The following ZC3H12B variants were observed in gnomAD, a reference collection of about 807,000 sequenced individuals.
The protein encoded by ZC3H12B is zinc finger CCCH-type containing 12B, also known as probable ribonuclease ZC3H12B.
Under a neutral mutation model 43.9 loss-of-function variants are expected in ZC3H12B, and 7 were observed. That is an observed-to-expected ratio of 0.16 (90% CI 0.09 to 0.30). The LOEUF (loss-of-function observed/expected upper bound fraction) is 0.30. Ranked by LOEUF, ZC3H12B falls within the 10% of genes least tolerant of loss-of-function variation. The probability of loss-of-function intolerance (pLI) is 1.00; values close to 1 mark genes in which losing one functional copy is unlikely to be tolerated. For synonymous variants in ZC3H12B, 222 were observed against 241.7 expected, an observed-to-expected ratio of 0.92 and a Z score of 0.76; for missense variants, 475 against 670.2, an observed-to-expected ratio of 0.71 and a Z score of 3.22.
the ZC3H12B span, among the ~76,000 whole-genome samples, chrX:65,235,234 G>C: frequency 1.8e-5 from 2 of 111,155 alleles, no homozygotes; most frequent in Admixed American, 1.9e-4. Context: ...TGGGTCAAAT[G>C]GTATTTCTGC....
chrX:65,365,826 C>T (rs571746191), upstream of ZC3H12B, among the ~76,000 whole-genome samples: 29 of 109,283 alleles, frequency 2.7e-4, no homozygotes, highest in South Asian at 9.8e-3. Context: ...CACCCCTGTC[C>T]GCCAGAGAAC....
At chrX:65,295,360 G>A in the ZC3H12B span, among the ~76,000 whole-genome samples, 11 of 111,312 alleles carry the variant, frequency 9.9e-5, no homozygotes, top group South Asian at 1.1e-3. Flanking sequence ...TGAACTGAAC[G>A]CTAATAGTGA....
chrX:65,478,180 T>A (rs1172640520), intron 3 of ZC3H12B, among the ~76,000 whole-genome samples: 1 of 112,027 alleles, frequency 8.9e-6, no homozygotes, highest in East Asian at 2.8e-4. Context: ...AAGCCTGACA[T>A]CTGGGCCTGC....
the ZC3H12B span, among the ~76,000 whole-genome samples, chrX:65,183,055 A>T: frequency 1.8e-5 from 2 of 112,043 alleles, no homozygotes; most frequent in African/African-American, 6.5e-5. Flanking sequence ...CATTTGCCCC[A>T]GAGATTCCAT....
intron 3 of ZC3H12B, among the ~76,000 whole-genome samples, chrX:65,463,447 G>T (rs2067778032): frequency 9.0e-6 from 1 of 111,719 alleles, no homozygotes; most frequent in African/African-American, 3.3e-5. Context: ...GAATCAGTGG[G>T]CTTTCAGAAA....
At chrX:65,148,669 G>A in the ZC3H12B span, among the ~76,000 whole-genome samples, 2 of 111,482 alleles carry the variant, frequency 1.8e-5, no homozygotes, top group Non-Finnish European at 3.8e-5. Flanking sequence ...CTCCCTGTGC[G>A]CTATGCTGCC....
the ZC3H12B span, among the ~76,000 whole-genome samples, chrX:65,074,685 T>G: frequency 8.9e-6 from 1 of 112,199 alleles, no homozygotes; most frequent in Non-Finnish European, 1.9e-5. Context: ...CTCTGACTAA[T>G]AATTTCAAAT....
At chrX:65,505,949 T>C (rs970198060) in exon 5 of ZC3H12B, 5 of 112,488 alleles carry the variant, frequency 4.4e-5, no homozygotes, top group Non-Finnish European at 9.4e-5. Flanking sequence ...TAACCAGAAA[T>C]GACCTTTTGT....
At chrX:65,410,008 T>A (rs905875082) in intron 3 of ZC3H12B, among the ~76,000 whole-genome samples, 19 of 108,552 alleles carry the variant, frequency 1.8e-4, no homozygotes, top group African/African-American at 6.3e-4. Flanking sequence ...GCCAAAGTTA[T>A]CCTATGCAAT....
chrX:65,468,084 C>G (rs1014939686), intron 3 of ZC3H12B, among the ~76,000 whole-genome samples: 2 of 111,857 alleles, frequency 1.8e-5, no homozygotes, highest in Non-Finnish European at 3.8e-5. Flanking sequence ...TTTATGTTGT[C>G]AGGTCTTAGA....
chrX:65,201,708 G>C, the ZC3H12B span, among the ~76,000 whole-genome samples: 1 of 102,961 alleles, frequency 9.7e-6, no homozygotes, highest in African/African-American at 3.5e-5. Flanking sequence ...GCCTTAGTTT[G>C]TTTGTTAAGG....
intron 3 of ZC3H12B, among the ~76,000 whole-genome samples, chrX:65,405,733 A>G (rs1351478629): frequency 8.9e-6 from 1 of 112,464 alleles, no homozygotes; most frequent in Admixed American, 9.4e-5. Flanking sequence ...AAGTAAAACA[A>G]AATTGACAAA....
chrX:65,312,982 A>G, the ZC3H12B span, among the ~76,000 whole-genome samples: 1 of 111,732 alleles, frequency 8.9e-6, no homozygotes, highest in Non-Finnish European at 1.9e-5. Flanking sequence ...TCTGGGTTCA[A>G]GTGATTCTCC....
intron 3 of ZC3H12B, among the ~76,000 whole-genome samples, chrX:65,440,650 C>T (rs750742207): frequency 4.5e-5 from 5 of 112,055 alleles, no homozygotes; most frequent in Non-Finnish European, 7.5e-5. Flanking sequence ...AGTAAAGAAA[C>T]AGTTTTTTAA....
the ZC3H12B span, among the ~76,000 whole-genome samples, chrX:65,110,612 G>T: frequency 1.8e-5 from 2 of 111,375 alleles, no homozygotes; most frequent in African/African-American, 6.5e-5. Context: ...CCACTAGCCT[G>T]TCTATTCCAG....
At position 65,429,824 on chromosome X, in the gene ZC3H12B, G is replaced by A. The variant is rs146297156; in HGVS notation, n.407+31120G>A. Among the ~76,000 whole-genome samples the A allele has an allele frequency of 1.6e-3, 179 of 112,233 alleles. 1 individual carries two copies. The highest frequency in any genetic ancestry group is 3.0e-3 in the Non-Finnish European group (157 of 53,160). Reference sequence around the variant, plus strand: ...AGTCTAGCCATAATCTCGTAAAGCAGCTCTGCTTCATTAGAGGGATCCCTT... The same window carrying A: ...AGTCTAGCCATAATCTCGTAAAGCAACTCTGCTTCATTAGAGGGATCCCTT... On this transcript the variant is annotated intron_variant and non_coding_transcript_variant, in intron 3 of 5. Coordinates refer to the ZC3H12B transcript ENST00000617377.
the ZC3H12B span, among the ~76,000 whole-genome samples, chrX:65,338,127 A>G: frequency 9.0e-6 from 1 of 111,477 alleles, no homozygotes; most frequent in Non-Finnish European, 1.9e-5. Flanking sequence ...GAGTCTTTGG[A>G]CTGTGTAGTT....
At chrX:65,235,449 A>T in the ZC3H12B span, among the ~76,000 whole-genome samples, 1 of 111,683 alleles carries the variant, frequency 9.0e-6, no homozygotes, top group African/African-American at 3.3e-5. Context: ...TGATCATGTT[A>T]CAAGATTCCT....
the ZC3H12B span, among the ~76,000 whole-genome samples, chrX:65,094,701 T>G: frequency 8.9e-6 from 1 of 112,566 alleles, no homozygotes; most frequent in East Asian, 2.8e-4. Flanking sequence ...AAAAGTCAGT[T>G]TCCATTAAAA....
Sources: gnomAD v4.1 joint callset for allele counts (sites outside exome capture counted in the v4.1 genomes callset) on GRCh38, gnomAD v4.1.1 for gene constraint, MANE v1.5 for transcripts, NCBI Gene and HGNC (gene_info 2026-07-23, HGNC 2026-07-21) for gene names.